Variants in FGG observed in about 807,000 individuals in gnomAD.
FGG encodes fibrinogen, gamma polypeptide.
A neutral mutation model predicts 51.7 loss-of-function variants in FGG; 20 were observed. The observed-to-expected ratio is 0.39, with a 90% CI of 0.27 to 0.56. The LOEUF (loss-of-function observed/expected upper bound fraction) is 0.56. FGG is among the 20% of genes least tolerant of loss of function. FGG has a pLI of 0.64. For synonymous variants in FGG, 184 were observed against 184.7 expected, an observed-to-expected ratio of 1.00 and a Z score of 0.03; for missense variants, 460 against 534.2, an observed-to-expected ratio of 0.86 and a Z score of 1.37.
chr4:154,608,499 C>T lies in FGG; in HGVS notation c.818G>A (p.Arg273Lys). 1 of 1,613,674 alleles carries T rather than the reference C, an allele frequency of 6.2e-7. No homozygotes were observed. The highest frequency in any genetic ancestry group is 8.5e-7 in the Non-Finnish European group (1 of 1,179,802). Residue 273 changes from arginine to lysine, a missense_variant, in exon 7 of 9, where the codon AGA becomes AAA. Coordinates refer to ENST00000336098, the MANE Select transcript of FGG (RefSeq NM_021870.3). ...GCCATTCCAGTCTTCCAGTTCCACT[C>T]TTAATGCATATGGGATGGCAGACTG... ...STQSAIPYAL[R>K]VELEDWNGRT...
At chr4:154,609,217 G>T (rs528060882) in intron 6 of FGG, among the ~76,000 whole-genome samples, 2 of 152,128 alleles carry the variant, frequency 1.3e-5, no homozygotes, top group East Asian at 3.9e-4. Flanking sequence ...GGGGTGGTGG[G>T]GGGTGGTGTT....
intron 5 of FGG, 85 bp from the exon 6 acceptor site, chr4:154,609,848 T>C: frequency 6.3e-7 from 1 of 1,582,724 alleles, no homozygotes; most frequent in Non-Finnish European, 8.7e-7. Context: ...TAACATGTAG[T>C]AAACTATTCA....
At chr4:154,605,211 T>C in intron 8 of FGG, 145 bp from the exon 9 acceptor site, 2 of 760,228 alleles carry the variant, frequency 2.6e-6, no homozygotes, top group Non-Finnish European at 4.3e-6. Context: ...CTCCAAAGAT[T>C]CCTAAAATAT....
intron 6 of FGG, among the ~76,000 whole-genome samples, chr4:154,608,982 G>T (rs1731152668): frequency 6.6e-6 from 1 of 152,300 alleles, no homozygotes; most frequent in East Asian, 1.9e-4. Context: ...TTACACTTAT[G>T]ATGGAACCCA....
intron 7 of FGG, among the ~76,000 whole-genome samples, chr4:154,607,274 A>G (rs1302274572): frequency 6.6e-6 from 1 of 152,206 alleles, no homozygotes; most frequent in Non-Finnish European, 1.5e-5. Context: ...GATCAAATCC[A>G]GATGTGTAGA....
At chr4:154,605,152 C>CCTCTGTCCCTAAGCTT in intron 8 of FGG, 86 bp from the exon 9 acceptor site, 1 of 1,384,684 alleles carries the variant, frequency 7.2e-7, no homozygotes. Context: ...TTACGAAGTG[C>CCTCTGTCCCTAAGCTT]ATTGCCAGTT....
rs1415582961 is a variant in FGG at position 154,604,719 on chromosome 4, C to T, written c.*115G>A. Reference sequence around the variant, plus strand: ...AATGAGTTTTAATTTCCATTGAAGGCTAAATGTCCTTAATAGAAGACTTGA... The same window carrying T: ...AATGAGTTTTAATTTCCATTGAAGGTTAAATGTCCTTAATAGAAGACTTGA... On this transcript the variant is annotated 3_prime_UTR_variant, in exon 9 of 9. Coordinates refer to ENST00000336098, the MANE Select transcript of FGG (RefSeq NM_021870.3). The T allele has an allele frequency of 3.3e-6, 5 of 1,537,854 alleles. 1 individual carries two copies. The South Asian group carries it at 3.7e-5, about 11-fold the overall frequency.
Position 154,610,107 on chromosome 4 carries a change from A to G in FGG, c.492T>C (p.Pro164=). 2 of 1,613,818 alleles carry G rather than the reference A, an allele frequency of 1.2e-6. No individual in the cohort carries two copies. The highest frequency in any genetic ancestry group is 2.2e-5 in the East Asian group (1 of 44,858). The change falls in exon 5 of 9, where the codon CCT becomes CCC. Residue 164 remains proline (P), a synonymous_variant. Coordinates refer to ENST00000336098, the MANE Select transcript of FGG (RefSeq NM_021870.3). ...VAQLEAQCQE[P]CKDTVQIHDI... is the part of the protein sequence containing the mutation. ...CATGGATTTGCACCGTGTCTTTGCA[A>G]GGTTCCTGGCACTGTGCTTCAAGCT...
At position 154,612,370 on chromosome 4, in the gene FGG, A is replaced by G. The variant is rs201289560; in HGVS notation, c.123+21T>C. ...CCCTCTCCAGTTCACACACAAAGGG[A>G]GAAACATAAAAACTACTTACGAATC... On this transcript the variant is annotated intron_variant, in intron 2 of 8. Transcript: ENST00000336098. 9.0e-4 allele frequency: 1,443 copies of G among 1,612,206 alleles called. 1 individual carries two copies. The highest frequency in any genetic ancestry group is 1.1e-3 in the Non-Finnish European group (1,245 of 1,179,514).
At position 154,610,145 on chromosome 4, in the gene FGG, C is replaced by T. The variant is rs758657959; in HGVS notation, c.454G>A (p.Glu152Lys). ...SNNQKIVNLK[E>K]KVAQLEAQCQ... ...TGTGCTTCAAGCTGGGCTACCTTCT[C>T]TTTCAGGTTAACAATCTTTTGATTA... The change falls in exon 5 of 9, where the codon GAG (glutamate) becomes AAG (lysine). Residue 152 changes from glutamate (E) to lysine (K), a missense_variant. By Grantham distance (56) the Glu-to-Lys change is moderately conservative. This residue lies in a region of FGG where 353 missense variants were observed against 391.7 expected (regional missense o/e 0.90). Coordinates refer to ENST00000336098, the MANE Select transcript of FGG (RefSeq NM_021870.3). The T allele has an allele frequency of 1.2e-6, 2 of 1,607,462 alleles. No individual in the cohort carries two copies. The highest frequency in any genetic ancestry group is 1.1e-5 in the South Asian group (1 of 90,944).
In FGG at chr4:154,612,371, G is replaced by T; in HGVS notation, c.123+20C>A. 1 of 1,612,182 alleles carries T rather than the reference G, an allele frequency of 6.2e-7. No individual in the cohort carries two copies. Among genetic ancestry groups the T allele is most frequent in the South Asian group, 1.1e-5 (1 of 91,002 alleles). On this transcript the variant is annotated intron_variant, in intron 2 of 8. Coordinates refer to ENST00000336098, the MANE Select transcript of FGG (RefSeq NM_021870.3). ...CCTCTCCAGTTCACACACAAAGGGA[G>T]AAACATAAAAACTACTTACGAATCT... is the stretch of plus-strand genomic sequence containing the variant.
In FGG at chr4:154,612,543, T is replaced by C. The variant is rs1052931370; in HGVS notation, c.67A>G (p.Thr23Ala). The change falls in exon 1 of 9, where the codon ACA becomes GCA. Residue 23 changes from threonine to alanine, a missense_variant. Transcript: ENST00000336098. Reference sequence around the variant, plus strand: ...AAGAGCACACTTACTGCTACACATGTTGAAGAGAGAAATAAAAGAGCATAG... The same window carrying C: ...AAGAGCACACTTACTGCTACACATGCTGAAGAGAGAAATAAAAGAGCATAG... ...YFYALLFLSS[T>A]CVAYVATRDN... 6.2e-7 allele frequency: 1 copy of C among 1,614,008 alleles called. No homozygotes were observed. The highest frequency in any genetic ancestry group is 8.5e-7 in the Non-Finnish European group (1 of 1,179,902).
In FGG at chr4:154,604,519, T is replaced by G. The variant is rs1731060505; in HGVS notation, c.*315A>C. On this transcript the variant is annotated 3_prime_UTR_variant, in exon 9 of 9. Coordinates refer to ENST00000336098, the MANE Select transcript of FGG (RefSeq NM_021870.3). ...ATTTTATTAAGTACATACTAAAATA[T>G]TTGATATAATGAAAATAATTTACGA... The G allele has an allele frequency of 1.8e-6, 2 of 1,101,050 alleles. No homozygotes were observed. The highest frequency in any genetic ancestry group is 2.4e-6 in the Non-Finnish European group (2 of 816,936). The allele number at this position is 1,101,050 out of a possible 1,614,324, so 68.2% of individuals were successfully genotyped here.
At chr4:154,606,599 T>C in intron 8 of FGG, 106 bp downstream of exon 8, 2 of 1,258,514 alleles carry the variant, frequency 1.6e-6, no homozygotes, top group South Asian at 1.5e-5. Flanking sequence ...ATAAAATCCC[T>C]ACTATCTTTA....
chr4:154,612,420 C>G lies in FGG; in HGVS notation c.94G>C (p.Asp32His). The G allele has an allele frequency of 1.9e-6, 3 of 1,613,872 alleles. No individual in the cohort carries two copies. Among genetic ancestry groups the G allele is most frequent in the Non-Finnish European group, 2.5e-6 (3 of 1,179,922 alleles). ...CTTTCATCTAAGATGCAGCAGTTGT[C>G]TCTGGTAGCAACATACTAAAAGAGA... is the stretch of plus-strand genomic sequence containing the variant. ...STCVAYVATRDNCCILDERFG... is the reference protein window; with the variant it reads ...STCVAYVATRHNCCILDERFG... The change falls in exon 2 of 9, where the codon GAC becomes CAC. Residue 32 changes from aspartate to histidine, a missense_variant. Around this residue, in one of 3 missense-constraint regions of FGG, gnomAD observed 353 missense variants for 391.7 expected, o/e 0.90. Transcript: ENST00000336098.
intron 8 of FGG, 23 bp from the exon 9 acceptor site, chr4:154,605,089 A>C (rs745574025): frequency 6.2e-7 from 1 of 1,613,748 alleles, no homozygotes; most frequent in Admixed American, 1.7e-5. Flanking sequence ...GTAGATGTAC[A>C]TATCATTATT....
chr4:154,611,026 T>C (rs990768443), intron 4 of FGG, among the ~76,000 whole-genome samples: 4 of 152,074 alleles, frequency 2.6e-5, no homozygotes, highest in African/African-American at 9.7e-5. Context: ...TCAACTTCAA[T>C]GATGGACAAT....
intron 1 of FGG, 25 bp downstream of exon 1, chr4:154,612,506 CA>C: frequency 6.2e-7 from 1 of 1,613,800 alleles, no homozygotes; most frequent in Non-Finnish European, 8.5e-7. Context: ...CCATTTTAAA[CA>C]ACGTTTTGTG....
rs1731229019 is a variant in FGG, at chr4:154,612,178, A to G, written c.147T>C (p.Cys49=). ...ERFGSYCPTT[C]GIADFLSTYQ... is the part of the protein sequence containing the mutation. The stretch of plus-strand genomic sequence containing the variant: ...AAGTAGACAGGAAATCTGCAATGCC[A>G]CAGGTAGTTGGACAATAACTACCCT... The change falls in exon 3 of 9, where the codon TGT becomes TGC. Residue 49 remains cysteine, a synonymous_variant. Transcript: ENST00000336098. 1 of 1,610,458 alleles carries G rather than the reference A, an allele frequency of 6.2e-7. No individual in the cohort carries two copies. Among genetic ancestry groups the G allele is most frequent in the African/African-American group, 1.3e-5 (1 of 74,890 alleles).
Sources: gnomAD v4.1 joint callset for allele counts (sites outside exome capture counted in the v4.1 genomes callset) on GRCh38, gnomAD v4.1.1 for gene constraint, gnomAD v4.1.1 regional missense constraint, MANE v1.5 for transcripts, NCBI Gene and HGNC (gene_info 2026-07-23, HGNC 2026-07-21) for gene names.